Variants in OSBPL6 observed in about 807,000 individuals in gnomAD.
OSBPL6 encodes oxysterol-binding protein-related protein 6.
In OSBPL6, 49 loss-of-function variants were observed where a neutral mutation model predicts 125.8. The observed-to-expected ratio is 0.39, with a 90% CI of 0.31 to 0.49. The LOEUF (loss-of-function observed/expected upper bound fraction) is 0.49, where lower values mean the gene tolerates loss of function less well. Among genes scored for constraint, OSBPL6 ranks in the 20% least tolerant of loss-of-function variants. The pLI is 0.88. For synonymous variants in OSBPL6, 394 were observed against 391.8 expected, an observed-to-expected ratio of 1.01 and a Z score of -0.07; for missense variants, 986 against 1,135.4, an observed-to-expected ratio of 0.87 and a Z score of 1.89.
At chr2:178,364,368 T>C (rs935575058) in intron 13 of OSBPL6, among the ~76,000 whole-genome samples, 2 of 152,058 alleles carry the variant, frequency 1.3e-5, no homozygotes, top group African/African-American at 4.8e-5. Flanking sequence ...GTATGGAGGG[T>C]AGGTGGAATT....
chr2:178,257,954 G>A (rs1206897508), intron 1 of OSBPL6, among the ~76,000 whole-genome samples: 1 of 151,230 alleles, frequency 6.6e-6, no homozygotes, highest in Non-Finnish European at 1.5e-5. Flanking sequence ...ATGCCCAGAT[G>A]ATTTTCAAAA....
chr2:178,358,299 G>A (rs1172991852), intron 12 of OSBPL6, among the ~76,000 whole-genome samples: 1 of 152,056 alleles, frequency 6.6e-6, no homozygotes, highest in Non-Finnish European at 1.5e-5. Flanking sequence ...AGAGCAACCT[G>A]GGGGGAAAAC....
rs149974443 is a variant in OSBPL6, at chr2:178,287,142, CTT to C, written c.-156+2027_-156+2028del. Among the ~76,000 whole-genome samples the C allele has an allele frequency of 9.6e-3, 1,022 of 106,524 alleles. 10 individuals carry two copies. The highest frequency in any genetic ancestry group is 0.043 in the East Asian group (197 of 4,544). The allele number at this position is 106,524 out of a possible 152,430, so 69.9% of individuals were successfully genotyped here. A position where few individuals can be genotyped will look rare whatever the true frequency, so the allele number is the denominator to read the frequency against. ...ACATACTCCTAAAACAATGGTTCTT[CTT>C]TTTTTAAAAAAAAAAAAAAAAAAAA... On this transcript the variant is annotated intron_variant, in intron 2 of 24. Coordinates refer to ENST00000190611, the MANE Select transcript of OSBPL6 (RefSeq NM_032523.4).
intron 3 of OSBPL6, among the ~76,000 whole-genome samples, chr2:178,307,804 A>C (rs1168994198): frequency 6.6e-6 from 1 of 152,080 alleles, no homozygotes; most frequent in Admixed American, 6.5e-5. Context: ...GACCCGGCTC[A>C]CCCTGGAGAA....
intron 15 of OSBPL6, 92 bp from the exon 16 acceptor site, chr2:178,382,328 G>T (rs56065555): frequency 2.8e-6 from 4 of 1,446,616 alleles, no homozygotes; most frequent in South Asian, 1.4e-5. Flanking sequence ...CTTCTCACTG[G>T]AACAATATTT....
chr2:178,303,223 C>G (rs1686454040), intron 2 of OSBPL6, among the ~76,000 whole-genome samples: 1 of 152,192 alleles, frequency 6.6e-6, no homozygotes, highest in Non-Finnish European at 1.5e-5. Flanking sequence ...CTTTCCATTT[C>G]TGTTTGTCCA....
At chr2:178,240,374 C>T (rs886828043) in intron 1 of OSBPL6, among the ~76,000 whole-genome samples, 1 of 152,032 alleles carries the variant, frequency 6.6e-6, no homozygotes, top group Non-Finnish European at 1.5e-5. Context: ...TCGACACCAG[C>T]TTGGCTGACA....
rs1396980778 is a variant in OSBPL6 at position 178,332,973 on chromosome 2, C to T, written c.589C>T (p.His197Tyr). 1 of 1,614,178 alleles carries T rather than the reference C, an allele frequency of 6.2e-7. No homozygotes were observed. ...IVRSPRDASF[H>Y]IFPSTSTAES... ...GAGATCACCAAGAGATGCTAGTTTT[C>T]ACATATTTCCTTCAACGTCCACAGC... Residue 197 changes from histidine to tyrosine, a missense_variant, in exon 8 of 25, where the codon CAC becomes TAC. By Grantham distance (83) the His-to-Tyr change is moderately conservative. Transcript: ENST00000190611.
intron 12 of OSBPL6, among the ~76,000 whole-genome samples, chr2:178,356,945 A>T (rs898558034): frequency 1.7e-4 from 26 of 152,140 alleles, no homozygotes; most frequent in African/African-American, 6.3e-4. Context: ...CACATCTACA[A>T]CCATCTGATC....
chr2:178,246,263 GCTAT>G (rs1371193488), intron 1 of OSBPL6, among the ~76,000 whole-genome samples: 1 of 152,128 alleles, frequency 6.6e-6, no homozygotes, highest in African/African-American at 2.4e-5. Flanking sequence ...GATCACCAGG[GCTAT>G]CTGAGTTCCC....
intron 1 of OSBPL6, among the ~76,000 whole-genome samples, chr2:178,270,281 G>A (rs1443357636): frequency 1.3e-5 from 2 of 152,180 alleles, no homozygotes; most frequent in Non-Finnish European, 2.9e-5. Context: ...GAATCATAAA[G>A]CATGACTATG....
chr2:178,325,172 G>A (rs1340637301), intron 4 of OSBPL6, among the ~76,000 whole-genome samples: 2 of 152,148 alleles, frequency 1.3e-5, no homozygotes, highest in African/African-American at 4.8e-5. Context: ...GATTTTCAAT[G>A]GGCTTCCTCC....
chr2:178,345,556 A>T (rs1690616597), intron 11 of OSBPL6, among the ~76,000 whole-genome samples: 2 of 152,362 alleles, frequency 1.3e-5, no homozygotes, highest in South Asian at 4.1e-4. Context: ...GTCCATGTAT[A>T]TCTTATGCAT....
intron 1 of OSBPL6, among the ~76,000 whole-genome samples, chr2:178,235,543 A>T (rs1444788314): frequency 6.6e-6 from 1 of 151,300 alleles, no homozygotes; most frequent in East Asian, 1.9e-4. Flanking sequence ...AGTAGCTGGG[A>T]CTACAGGCAT....
intron 1 of OSBPL6, among the ~76,000 whole-genome samples, chr2:178,199,734 A>G (rs1475731668): frequency 1.3e-5 from 2 of 152,310 alleles, no homozygotes; most frequent in Non-Finnish European, 2.9e-5. Context: ...GTTGATAAAT[A>G]TACAATTTTT....
At position 178,375,417 on chromosome 2, in the gene OSBPL6, T is replaced by G. The variant is rs1693773630; in HGVS notation, c.1533+1390T>G. Among the ~76,000 whole-genome samples, 4 of 151,570 alleles carry G rather than the reference T, an allele frequency of 2.6e-5. No individual in the cohort carries two copies. In the South Asian group the frequency reaches 8.3e-4, roughly 31 times the overall value. On this transcript the variant is annotated intron_variant, in intron 15 of 24. Transcript: ENST00000190611. ...CCTTCTTTTTTTGTTGTTGTTGTTT[T>G]TGTTTTTGTTTGTTTTTGTTTTGAG... is the stretch of plus-strand genomic sequence containing the variant.
At chr2:178,359,977 C>T (rs983583849) in intron 12 of OSBPL6, among the ~76,000 whole-genome samples, 5 of 152,258 alleles carry the variant, frequency 3.3e-5, no homozygotes, top group Admixed American at 1.3e-4. Flanking sequence ...ATCCCAGCTA[C>T]TTAAGAGGCT....
intron 1 of OSBPL6, among the ~76,000 whole-genome samples, chr2:178,255,843 C>T (rs889449864): frequency 2.0e-5 from 3 of 152,232 alleles, no homozygotes; most frequent in African/African-American, 7.2e-5. Context: ...CCAGCTTTTG[C>T]TGTTTCTTTC....
At chr2:178,203,272 G>C (rs887120555) in intron 1 of OSBPL6, among the ~76,000 whole-genome samples, 1 of 152,074 alleles carries the variant, frequency 6.6e-6, no homozygotes, top group Non-Finnish European at 1.5e-5. Context: ...TTGAACTCTT[G>C]GGCTCAAGCT....
Sources: gnomAD v4.1 joint callset for allele counts (sites outside exome capture counted in the v4.1 genomes callset) on GRCh38, gnomAD v4.1.1 for gene constraint, MANE v1.5 for transcripts, NCBI Gene and HGNC (gene_info 2026-07-23, HGNC 2026-07-21) for gene names.